Variants in SPRED1 observed in about 807,000 individuals in gnomAD.
The protein encoded by SPRED1 is sprouty-related, EVH1 domain-containing protein 1.
A neutral mutation model predicts 52.3 loss-of-function variants in SPRED1; 18 were observed. That is an observed-to-expected ratio of 0.34 (90% CI 0.24 to 0.51). SPRED1 has a LOEUF of 0.51. Ranked by LOEUF, SPRED1 falls within the 20% of genes least tolerant of loss-of-function variation. The pLI is 0.97. For missense variants in SPRED1, 485 were observed against 551.0 expected (o/e 0.88, Z 1.20); for synonymous variants, 155 against 179.7 (o/e 0.86, Z 1.10).
rs538429960 is a variant in SPRED1, at chr15:38,266,919, A to G, written c.32+13702A>G. On this transcript the variant is annotated intron_variant, in intron 1 of 6. Transcript: ENST00000299084. ...TGTGTTTTGTGTACTAGGCCCTAGC[A>G]TATAACACATAAGAAGCATAATTTG... is the stretch of plus-strand genomic sequence containing the variant. 6.6e-5 allele frequency among the ~76,000 whole-genome samples: 10 copies of G among 152,338 alleles called. No individual in the cohort carries two copies. In the South Asian group the frequency reaches 8.3e-4, roughly 13 times the overall value.
At chr15:38,267,762 A>G (rs1292774817) in intron 1 of SPRED1, among the ~76,000 whole-genome samples, 1 of 152,238 alleles carries the variant, frequency 6.6e-6, no homozygotes, top group African/African-American at 2.4e-5. Flanking sequence ...GGCAAAGATT[A>G]CATACTTGGT....
intron 2 of SPRED1, among the ~76,000 whole-genome samples, chr15:38,318,572 T>C (rs183385991): frequency 6.6e-6 from 1 of 152,268 alleles, no homozygotes; most frequent in East Asian, 1.9e-4. Flanking sequence ...GGTTTTGAAC[T>C]CTTACCTCCC....
intron 4 of SPRED1, among the ~76,000 whole-genome samples, chr15:38,333,916 T>A (rs1895856891): frequency 1.3e-5 from 2 of 152,064 alleles, no homozygotes; most frequent in South Asian, 4.1e-4. Context: ...CTAGTAACAT[T>A]TATTTTAGGC....
At position 38,253,223 on chromosome 15, in the gene SPRED1, C is replaced by G. The variant is rs1192841345; in HGVS notation, c.32+6C>G. 1.3e-6 allele frequency: 2 copies of G among 1,573,570 alleles called. No individual in the cohort carries two copies. The highest frequency in any genetic ancestry group is 2.3e-5 in the South Asian group (2 of 85,780). On this transcript the variant is annotated splice_donor_region_variant and intron_variant, in intron 1 of 6. Coordinates refer to ENST00000299084, the MANE Select transcript of SPRED1 (RefSeq NM_152594.3). ...ACGGCGACTTCTGACAACGAGTAAG[C>G]GCCTCATTGATCTCGATTGCTAATC...
intron 5 of SPRED1, among the ~76,000 whole-genome samples, chr15:38,348,414 A>ATG (rs1479001315): frequency 3.8e-5 from 5 of 131,978 alleles, no homozygotes; most frequent in African/African-American, 1.5e-4. Context: ...TATTTTAAAG[A>ATG]TCTGTGTGTG....
At chr15:38,303,672 GATA>G (rs767841008) in intron 2 of SPRED1, among the ~76,000 whole-genome samples, 283 of 151,946 alleles carry the variant, frequency 1.9e-3, no homozygotes, top group Admixed American at 5.4e-3. Context: ...TTATATAATA[GATA>G]ATAAAATATT....
intron 2 of SPRED1, among the ~76,000 whole-genome samples, chr15:38,300,666 T>C (rs1595734222): frequency 6.6e-6 from 1 of 152,286 alleles, no homozygotes; most frequent in South Asian, 2.1e-4. Flanking sequence ...GAGTTTATGA[T>C]TCACCCATGC....
intron 1 of SPRED1, among the ~76,000 whole-genome samples, chr15:38,282,104 C>A (rs1357097714): frequency 6.6e-6 from 1 of 152,090 alleles, no homozygotes; most frequent in African/African-American, 2.4e-5. Flanking sequence ...ATATACTGTC[C>A]ATAATACTCC....
intron 1 of SPRED1, among the ~76,000 whole-genome samples, chr15:38,265,507 A>C (rs1051559946): frequency 1.7e-4 from 26 of 152,142 alleles, no homozygotes. Context: ...AAAAATTCCA[A>C]CATTAGAAAA....
intron 1 of SPRED1, among the ~76,000 whole-genome samples, chr15:38,274,302 T>C (rs1196591733): frequency 6.6e-6 from 1 of 152,170 alleles, no homozygotes; most frequent in Non-Finnish European, 1.5e-5. Context: ...GAAGGTGTAC[T>C]GGGGGGAACT....
chr15:38,296,991 C>T (rs1895054035), intron 1 of SPRED1, among the ~76,000 whole-genome samples: 1 of 152,148 alleles, frequency 6.6e-6, no homozygotes, highest in Non-Finnish European at 1.5e-5. Flanking sequence ...CAGCATTCCT[C>T]CCCTCCAGAG....
At position 38,328,831 on chromosome 15, in the gene SPRED1, C is replaced by T. The variant is rs981188200; in HGVS notation, c.423+4022C>T. Among the ~76,000 whole-genome samples the T allele has an allele frequency of 6.3e-4, 96 of 152,068 alleles. 1 individual carries two copies. Among genetic ancestry groups the T allele is most frequent in the African/African-American group, 1.9e-3 (80 of 41,486 alleles). The stretch of plus-strand genomic sequence containing the variant: ...GCCTCCTGGGCTCAAATGGTCCTCC[C>T]GCATCAGCCTCCCGAGTAGCCATAG... On this transcript the variant is annotated intron_variant, in intron 4 of 6. Transcript: ENST00000299084.
At chr15:38,306,677 C>G (rs913417456) in intron 2 of SPRED1, among the ~76,000 whole-genome samples, 1 of 152,136 alleles carries the variant, frequency 6.6e-6, no homozygotes, top group Non-Finnish European at 1.5e-5. Flanking sequence ...ATTAGCATTT[C>G]TGTTCTCTTT....
chr15:38,292,204 T>A (rs867250821), intron 1 of SPRED1, among the ~76,000 whole-genome samples: 2 of 152,186 alleles, frequency 1.3e-5, no homozygotes, highest in South Asian at 2.1e-4. Flanking sequence ...TTGCTCCAGT[T>A]CCCAACAAGT....
intron 1 of SPRED1, among the ~76,000 whole-genome samples, chr15:38,296,525 T>A (rs899417932): frequency 1.3e-5 from 2 of 152,212 alleles, no homozygotes; most frequent in African/African-American, 4.8e-5. Context: ...GGTCATCTTC[T>A]TTTGCCTTTG....
rs373463622 is a variant in SPRED1 at position 38,310,153 on chromosome 15, G to GTGTGTGTGTGTGTGTGTGTGTGTGT, written c.207+10607_207+10608insGTGTGTGTGTGTGTGTGTGTGTGTT. Among the ~76,000 whole-genome samples, 7 of 132,182 alleles carry GTGTGTGTGTGTGTGTGTGTGTGTGT rather than the reference G, an allele frequency of 5.3e-5. No individual in the cohort carries two copies. The South Asian group carries it at 1.0e-3, about 20-fold the overall frequency. The allele number at this position is 132,182 out of a possible 152,430, so 86.7% of individuals were successfully genotyped here. ...TGTGTGTGTGTGTGTGTGTGTGTGTGTTTGGAGACGAAGTTTCGCTCTTGT... is the reference window on the plus strand; with the variant it reads ...TGTGTGTGTGTGTGTGTGTGTGTGTGTGTGTGTGTGTGTGTGTGTGTGTGTTTTGGAGACGAAGTTTCGCTCTTGT... On this transcript the variant is annotated intron_variant, in intron 2 of 6. Coordinates refer to ENST00000299084, the MANE Select transcript of SPRED1 (RefSeq NM_152594.3).
intron 1 of SPRED1, among the ~76,000 whole-genome samples, chr15:38,294,407 T>A (rs1014324812): frequency 6.6e-6 from 1 of 152,208 alleles, no homozygotes. Context: ...AAGTTATCTT[T>A]TTCTCCTGTA....
At chr15:38,345,330 A>G (rs1223662189) in intron 5 of SPRED1, among the ~76,000 whole-genome samples, 2 of 152,204 alleles carry the variant, frequency 1.3e-5, no homozygotes, top group African/African-American at 4.8e-5. Context: ...GGTCTTTATG[A>G]GATCATCACT....
At chr15:38,320,734 C>T (rs993420908) in intron 2 of SPRED1, among the ~76,000 whole-genome samples, 4 of 152,050 alleles carry the variant, frequency 2.6e-5, no homozygotes, top group Non-Finnish European at 4.4e-5. Flanking sequence ...TCTTTTCCTC[C>T]TGTTTTCTTA....
Sources: allele counts gnomAD v4.1 joint callset (sites outside exome capture counted in the v4.1 genomes callset), GRCh38; gene constraint gnomAD v4.1.1; transcripts MANE v1.5; gene names NCBI Gene and HGNC (gene_info 2026-07-23, HGNC 2026-07-21).